CCDC141: variants seen among roughly 807,000 people sequenced by gnomAD.
CCDC141 encodes the protein coiled-coil domain-containing protein 141.
CCDC141 carries 168 observed loss-of-function variants against 181.0 expected under a neutral mutation model. That is an observed-to-expected ratio of 0.93 (90% CI 0.82 to 1.05). CCDC141 has a LOEUF of 1.05. CCDC141 is among the 50% of genes least tolerant of loss of function. CCDC141 has a pLI of 0.00. For synonymous variants in CCDC141, 666 were observed against 642.3 expected, an observed-to-expected ratio of 1.04 and a Z score of -0.56; for missense variants, 1,902 against 1,788.5, an observed-to-expected ratio of 1.06 and a Z score of -1.14.
rs1212139563 is a variant in CCDC141 at position 178,833,378 on chromosome 2, C to A, written c.*795G>T. 1.3e-5 allele frequency: 2 copies of A among 152,202 alleles called. No homozygotes were observed. The highest frequency in any genetic ancestry group is 4.1e-4 in the South Asian group (2 of 4,826). 9.4% of individuals were successfully genotyped at this position (152,202 alleles called of 1,614,324 possible). On this transcript the variant is annotated 3_prime_UTR_variant, in exon 24 of 24. Transcript: ENST00000443758. ...AGGAAACTGAGGCAATGAGGCTTTGCCATAAAGTATAAAAATGGTCATCAG... is the reference window on the plus strand; with the variant it reads ...AGGAAACTGAGGCAATGAGGCTTTGACATAAAGTATAAAAATGGTCATCAG...
At chr2:178,976,527 C>A (rs371620218) in intron 3 of CCDC141, among the ~76,000 whole-genome samples, 2 of 152,308 alleles carry the variant, frequency 1.3e-5, no homozygotes, top group East Asian at 1.9e-4. Flanking sequence ...CCTATTAGAA[C>A]AACCTGATGG....
rs1344183418 is a variant in CCDC141 at position 178,932,656 on chromosome 2, CAT to C, written c.897+11877_897+11878del. On this transcript the variant is annotated intron_variant, in intron 6 of 23. Coordinates refer to ENST00000443758, the MANE Select transcript of CCDC141 (RefSeq NM_173648.4). ...ACACAATACACAATTTTGGAACACTCATATGTAATTGTTTTATATTTCTTTCC... is the reference window on the plus strand; with the variant it reads ...ACACAATACACAATTTTGGAACACTCATGTAATTGTTTTATATTTCTTTCC... Among the ~76,000 whole-genome samples the C allele has an allele frequency of 6.6e-5, 10 of 152,278 alleles. No homozygotes were observed. The East Asian group carries it at 1.5e-3, about 24-fold the overall frequency.
chr2:178,963,348 T>G (rs776465631), intron 4 of CCDC141, among the ~76,000 whole-genome samples: 37 of 152,074 alleles, frequency 2.4e-4, no homozygotes, highest in Non-Finnish European at 4.7e-4. Flanking sequence ...TTTGAGACAT[T>G]TGTTATTAGA....
At chr2:178,847,387 C>T (rs533618246) in intron 21 of CCDC141, among the ~76,000 whole-genome samples, 3 of 152,108 alleles carry the variant, frequency 2.0e-5, no homozygotes, top group South Asian at 2.1e-4. Context: ...AAACATTAGC[C>T]GAGTGTGGTG....
intron 11 of CCDC141, among the ~76,000 whole-genome samples, chr2:178,884,051 G>C (rs1346729430): frequency 6.6e-6 from 1 of 152,040 alleles, no homozygotes; most frequent in East Asian, 1.9e-4. Flanking sequence ...GAAGATGACT[G>C]TTTTGAAATA....
chr2:178,826,243 G>A (rs769992973), downstream of CCDC141, among the ~76,000 whole-genome samples: 199 of 152,192 alleles, frequency 1.3e-3, no homozygotes, highest in Middle Eastern at 0.014. Context: ...ATTGATTTGT[G>A]AATTTTGAAA....
intron 10 of CCDC141, 39 bp from the exon 11 acceptor site, chr2:178,885,131 G>T: frequency 7.1e-7 from 1 of 1,411,750 alleles, no homozygotes; most frequent in Non-Finnish European, 9.7e-7. Context: ...AACTGACAGG[G>T]GAATCATGAA....
chr2:178,979,257 G>T (rs1477070763), intron 2 of CCDC141, among the ~76,000 whole-genome samples: 1 of 152,034 alleles, frequency 6.6e-6, no homozygotes, highest in Non-Finnish European at 1.5e-5. Context: ...TCTCATTCAG[G>T]GATAGGAGGA....
chr2:179,015,358 T>TC (rs143266834), intron 2 of CCDC141, among the ~76,000 whole-genome samples: 3,885 of 138,706 alleles, frequency 0.028, 123 homozygotes, highest in African/African-American at 0.041. Context: ...ATCATACATA[T>TC]CCCATATATG....
intron 7 of CCDC141, among the ~76,000 whole-genome samples, chr2:178,912,801 G>C (rs1575208349): frequency 6.6e-6 from 1 of 152,030 alleles, no homozygotes; most frequent in African/African-American, 2.4e-5. Flanking sequence ...CATCACTTTA[G>C]GTGTACACCC....
chr2:178,962,596 C>CTTTCTTTCT (rs771967185), intron 4 of CCDC141, among the ~76,000 whole-genome samples: 1 of 151,742 alleles, frequency 6.6e-6, no homozygotes, highest in African/African-American at 2.4e-5. Context: ...CCCCTTCTTT[C>CTTTCTTTCT]TTTCTTTCTT....
chr2:179,015,271 A>ATG (rs1559049234), intron 2 of CCDC141, among the ~76,000 whole-genome samples: 1 of 132,876 alleles, frequency 7.5e-6, no homozygotes, highest in East Asian at 2.3e-4. Context: ...TATCATATAT[A>ATG]TCTCATCTAT....
chr2:178,928,460 C>T (rs147342056), intron 6 of CCDC141, among the ~76,000 whole-genome samples: 140 of 152,120 alleles, frequency 9.2e-4, no homozygotes, highest in African/African-American at 3.3e-3. Context: ...CAATTTCACT[C>T]TTATTATCAT....
At chr2:178,860,543 C>CTT (rs71023458) in intron 17 of CCDC141, among the ~76,000 whole-genome samples, 2,586 of 51,354 alleles carry the variant, frequency 0.05, 744 homozygotes, top group African/African-American at 0.14. Context: ...AAAAACAACA[C>CTT]TTTTTTTTTT....
intron 2 of CCDC141, among the ~76,000 whole-genome samples, chr2:179,027,219 A>T (rs1406939063): frequency 6.6e-6 from 1 of 152,116 alleles, no homozygotes; most frequent in Non-Finnish European, 1.5e-5. Context: ...TCTTATCTTG[A>T]ATTGTAACAC....
chr2:179,023,165 T>A (rs1406787620), intron 2 of CCDC141, among the ~76,000 whole-genome samples: 1 of 152,230 alleles, frequency 6.6e-6, no homozygotes, highest in Non-Finnish European at 1.5e-5. Flanking sequence ...TCTTCAATTG[T>A]AAAATGGAGA....
chr2:178,837,000 G>C lies in CCDC141; in HGVS notation c.4219C>G (p.Gln1407Glu), dbSNP rs186697492. Residue 1407 changes from glutamine to glutamate, a missense_variant, in exon 23 of 24, where the codon CAG (glutamine) becomes GAG (glutamate). Gln to Glu is a conservative substitution (Grantham distance 29, BLOSUM62 2). Coordinates refer to ENST00000443758, the MANE Select transcript of CCDC141 (RefSeq NM_173648.4). ...AGGAGCCTGGAGAAATTAGGTGCCT[G>C]GTCAGCTAGGCTGACCACGCTGCTC... The part of the protein sequence containing the change: ...AKSSVVSLAD[Q>E]APNFSRLLSN... 1.2e-6 allele frequency: 2 copies of C among 1,613,816 alleles called. No homozygotes were observed. Among genetic ancestry groups the C allele is most frequent in the Non-Finnish European group, 1.7e-6 (2 of 1,179,952 alleles).
chr2:178,971,706 T>C (rs113000546), intron 4 of CCDC141, among the ~76,000 whole-genome samples: 7,114 of 152,054 alleles, frequency 0.047, 210 homozygotes, highest in South Asian at 0.077. Flanking sequence ...ATAAAGAAAA[T>C]GTGGCACATA....
Position 178,868,080 on chromosome 2 carries a change from G to T in CCDC141, c.2520C>A (p.Leu840=), listed in dbSNP as rs1229495014. Residue 840 remains leucine (L), a synonymous_variant, in exon 16 of 24, where the codon CTC becomes CTA. Coordinates refer to ENST00000443758, the MANE Select transcript of CCDC141 (RefSeq NM_173648.4). ...SQEKQARVDH[L]HRLALSLGVD... is the part of the protein sequence containing the mutation. Reference sequence around the variant, plus strand: ...CTCCTAAGGAAAGGGCCAGTCTGTGGAGATGGTCTACACGGGCTTGCTTTT... The same window carrying T: ...CTCCTAAGGAAAGGGCCAGTCTGTGTAGATGGTCTACACGGGCTTGCTTTT... 6.2e-7 allele frequency: 1 copy of T among 1,613,896 alleles called. No homozygotes were observed. Among genetic ancestry groups the T allele is most frequent in the Non-Finnish European group, 8.5e-7 (1 of 1,179,940 alleles).
Sources: gnomAD v4.1 joint callset for allele counts (sites outside exome capture counted in the v4.1 genomes callset) on GRCh38, gnomAD v4.1.1 for gene constraint, MANE v1.5 for transcripts, NCBI Gene and HGNC (gene_info 2026-07-23, HGNC 2026-07-21) for gene names.